Variants in SLC9A6 observed in about 807,000 individuals in gnomAD.
SLC9A6 encodes sodium/hydrogen exchanger 6.
In SLC9A6, 6 loss-of-function variants were observed where a neutral mutation model predicts 45.3. The observed-to-expected ratio is 0.13, with a 90% CI of 0.07 to 0.26. SLC9A6 has a LOEUF of 0.26. Ranked by LOEUF, SLC9A6 falls within the 10% of genes least tolerant of loss-of-function variation. SLC9A6 has a pLI of 1.00. For missense variants in SLC9A6, 278 were observed against 503.7 expected, an observed-to-expected ratio of 0.55 and a Z score of 4.29; for synonymous variants, 191 against 187.7, an observed-to-expected ratio of 1.02 and a Z score of -0.14.
intron 16 of SLC9A6, among the ~76,000 whole-genome samples, chrX:136,037,987 A>T (rs1410389152): frequency 9.1e-6 from 1 of 110,272 alleles, no homozygotes; most frequent in African/African-American, 3.3e-5. Flanking sequence ...ATGACTAATT[A>T]TTTTTTTTTC....
rs183543906 is a variant in SLC9A6, at chrX:135,999,345, T to C, written c.637+377T>C. 5.1e-3 allele frequency among the ~76,000 whole-genome samples: 562 copies of C among 111,188 alleles called. 10 individuals are homozygous for C. The highest frequency in any genetic ancestry group is 0.017 in the African/African-American group (524 of 30,619). On this transcript the variant is annotated intron_variant, in intron 6 of 17. Transcript: ENST00000630721. ...AATAATTATATATTTCCTTTCAAGC[T>C]TTTAGAAAACCAGTTCCCTAAAAAT...
chrX:135,997,987 G>T, intron 3 of SLC9A6, 121 bp from the exon 4 acceptor site: 1 of 474,135 alleles, frequency 2.1e-6, no homozygotes, highest in Non-Finnish European at 3.8e-6. Flanking sequence ...TTTTAAGTTA[G>T]CACAGTAATG....
At chrX:135,974,892 G>T in intron 1 of SLC9A6, 1 of 262,015 alleles carries the variant, frequency 3.8e-6, no homozygotes, top group Non-Finnish European at 7.3e-6. Context: ...ATTTTAAAAT[G>T]CTAATAACGC....
At chrX:136,035,369 C>G (rs1267393905) in intron 16 of SLC9A6, among the ~76,000 whole-genome samples, 1 of 112,156 alleles carries the variant, frequency 8.9e-6, no homozygotes, top group East Asian at 2.8e-4. Context: ...ATGATTCTGA[C>G]TTTCATCAAC....
chrX:136,032,261 G>A (rs1369652934), intron 15 of SLC9A6, among the ~76,000 whole-genome samples: 1 of 111,641 alleles, frequency 9.0e-6, no homozygotes, highest in African/African-American at 3.3e-5. Flanking sequence ...TAGTAGAGAC[G>A]GGGTTTCCCC....
chrX:136,021,254 AAT>A (rs1294232248), intron 11 of SLC9A6, among the ~76,000 whole-genome samples: 1 of 111,478 alleles, frequency 9.0e-6, no homozygotes, highest in African/African-American at 3.3e-5. Flanking sequence ...CTCCAACTTT[AAT>A]TCATTACCAC....
chrX:135,997,649 C>A (rs1324052061), intron 3 of SLC9A6, among the ~76,000 whole-genome samples: 1 of 95,281 alleles, frequency 1.0e-5, no homozygotes, highest in African/African-American at 4.5e-5. Context: ...TTCAGGTGAT[C>A]CGCCCATCCG....
At chrX:135,976,090 A>G (rs2089261177) in intron 1 of SLC9A6, among the ~76,000 whole-genome samples, 1 of 109,947 alleles carries the variant, frequency 9.1e-6, no homozygotes. Context: ...ACCTTTAGTC[A>G]TGTTCATTAT....
intron 12 of SLC9A6, among the ~76,000 whole-genome samples, chrX:136,023,167 A>ATG (rs2071163273): frequency 4.5e-4 from 1 of 2,210 alleles, no homozygotes; most frequent in East Asian, 6.8e-3. Flanking sequence ...GAAAATGTAT[A>ATG]TATATATATA....
chrX:135,977,331 T>C (rs1183848911), intron 1 of SLC9A6, among the ~76,000 whole-genome samples: 1 of 112,226 alleles, frequency 8.9e-6, no homozygotes. Flanking sequence ...TGTGAAGACT[T>C]ATCACGTTTC....
chrX:135,994,325 G>A (rs1426339843), intron 2 of SLC9A6, among the ~76,000 whole-genome samples: 2 of 110,055 alleles, frequency 1.8e-5, no homozygotes, highest in African/African-American at 3.3e-5. Context: ...GGCTGGTCTC[G>A]AACTTCTGAG....
intron 11 of SLC9A6, 111 bp from the exon 12 acceptor site, chrX:136,022,475 C>G (rs2071143823): frequency 2.2e-6 from 1 of 447,166 alleles, no homozygotes; most frequent in Non-Finnish European, 4.0e-6. Context: ...AACCAAGAGA[C>G]TGTGTGTTAG....
chrX:136,004,666 T>A (rs1307120162), intron 7 of SLC9A6, among the ~76,000 whole-genome samples: 2 of 112,026 alleles, frequency 1.8e-5, no homozygotes. Context: ...CAAAAGGCCA[T>A]ATCCTTTTTT....
chrX:135,977,513 G>T (rs1475885361), intron 1 of SLC9A6, among the ~76,000 whole-genome samples: 1 of 111,655 alleles, frequency 9.0e-6, no homozygotes, highest in African/African-American at 3.3e-5. Flanking sequence ...TTCCCACCTG[G>T]TTCAAAATTC....
At chrX:136,031,960 C>T (rs1016738514) in intron 15 of SLC9A6, among the ~76,000 whole-genome samples, 1 of 112,401 alleles carries the variant, frequency 8.9e-6, no homozygotes, top group Non-Finnish European at 1.9e-5. Flanking sequence ...ATACATGACA[C>T]GTGACACGTT....
chrX:135,995,076 T>TC, intron 3 of SLC9A6, 91 bp downstream of exon 3: 1 of 569,587 alleles, frequency 1.8e-6, no homozygotes, highest in Non-Finnish European at 2.9e-6. Context: ...TTTTTAATGA[T>TC]ATTTAAAATA....
At chrX:136,029,874 G>A (rs1324585110) in intron 14 of SLC9A6, 27 of 398,242 alleles carry the variant, frequency 6.8e-5, no homozygotes, top group African/African-American at 6.1e-4. Flanking sequence ...GAAAAAAAAT[G>A]CTGTTTTTTT....
intron 2 of SLC9A6, 139 bp from the exon 3 acceptor site, chrX:135,994,646 AT>A (rs2089474419): frequency 1.8e-6 from 1 of 568,874 alleles, no homozygotes; most frequent in African/African-American, 2.2e-5. Flanking sequence ...ATTTTAAAAC[AT>A]AACTGCATTT....
chrX:136,012,341 T>A (rs2070939922), intron 8 of SLC9A6, among the ~76,000 whole-genome samples: 1 of 112,200 alleles, frequency 8.9e-6, no homozygotes, highest in Admixed American at 9.4e-5. Flanking sequence ...AGAAAGTATA[T>A]CTTGTTAATC....
Sources: gnomAD v4.1 joint callset for allele counts (sites outside exome capture counted in the v4.1 genomes callset) on GRCh38, gnomAD v4.1.1 for gene constraint, MANE v1.5 for transcripts, NCBI Gene and HGNC (gene_info 2026-07-23, HGNC 2026-07-21) for gene names.